MYO10: variants seen among roughly 807,000 people sequenced by gnomAD.
The protein encoded by MYO10 is unconventional myosin-X.
A neutral mutation model predicts 257.3 loss-of-function variants in MYO10; 133 were observed. The observed-to-expected ratio is 0.52, with a 90% CI of 0.45 to 0.60. The LOEUF (loss-of-function observed/expected upper bound fraction) is 0.60, where lower values mean the gene tolerates loss of function less well. Ranked by LOEUF, MYO10 falls within the 20% of genes least tolerant of loss-of-function variation. The pLI is 0.00. For missense variants in MYO10, 2,399 were observed against 2,635.7 expected (o/e 0.91, Z 1.97); for synonymous variants, 1,104 against 1,028.6 (o/e 1.07, Z -1.40).
chr5:16,919,834 C>T (rs555716007), intron 1 of MYO10, among the ~76,000 whole-genome samples: 2 of 151,976 alleles, frequency 1.3e-5, no homozygotes, highest in South Asian at 2.1e-4. Context: ...AAAATTAGGC[C>T]GGGTGTGGTG....
intron 19 of MYO10, among the ~76,000 whole-genome samples, chr5:16,725,787 C>CTTTTTT (rs35020175): frequency 7.2e-6 from 1 of 138,304 alleles, no homozygotes; most frequent in Admixed American, 7.2e-5. Context: ...CAGGTACCCC[C>CTTTTTT]TTTTTTTTTT....
chr5:16,796,968 G>C (rs10054596), intron 3 of MYO10, among the ~76,000 whole-genome samples: 1 of 135,388 alleles, frequency 7.4e-6, no homozygotes, highest in Admixed American at 7.9e-5. Context: ...ATACACCCAG[G>C]GGGGTTGGCG....
intron 19 of MYO10, chr5:16,738,121 G>A: frequency 2.0e-6 from 2 of 984,834 alleles, no homozygotes; most frequent in Non-Finnish European, 2.4e-6. Context: ...AAATACACAG[G>A]GGAGAGGTAC....
intron 19 of MYO10, among the ~76,000 whole-genome samples, chr5:16,714,265 A>T (rs1213136414): frequency 1.3e-5 from 2 of 152,100 alleles, no homozygotes; most frequent in Non-Finnish European, 2.9e-5. Context: ...TCGGACTCTT[A>T]AAATGCTGGA....
intron 2 of MYO10, among the ~76,000 whole-genome samples, chr5:16,857,110 A>C (rs950333781): frequency 3.3e-5 from 5 of 152,168 alleles, no homozygotes; most frequent in African/African-American, 1.2e-4. Flanking sequence ...CGAGGAGGAG[A>C]GCTTCCTTGG....
At chr5:16,677,508 C>T (rs1344862964) in intron 33 of MYO10, among the ~76,000 whole-genome samples, 4 of 147,586 alleles carry the variant, frequency 2.7e-5, no homozygotes, top group African/African-American at 1.0e-4. Context: ...CTCCGCCTCC[C>T]GGGTTCACAC....
rs1746439611 is a variant in MYO10, at chr5:16,936,215, C to G, written c.-407G>C. On this transcript the variant is annotated 5_prime_UTR_variant, in exon 1 of 41. Transcript: ENST00000513610. The stretch of plus-strand genomic sequence containing the variant: ...CAGCGGGCCGCAAAGTGAGCAGGAG[C>G]CGCGATCCCCGCGCGAGCGCTTGGA... 5.0e-6 allele frequency: 1 copy of G among 201,486 alleles called. No individual in the cohort carries two copies. Among genetic ancestry groups the G allele is most frequent in the South Asian group, 8.1e-5 (1 of 12,368 alleles). 12.5% of individuals were successfully genotyped at this position (201,486 alleles called of 1,614,324 possible). A position where few individuals can be genotyped will look rare whatever the true frequency, so the allele number is the denominator to read the frequency against.
intron 1 of MYO10, among the ~76,000 whole-genome samples, chr5:16,907,230 T>G (rs906245705): frequency 6.6e-6 from 1 of 152,236 alleles, no homozygotes; most frequent in Admixed American, 6.5e-5. Flanking sequence ...ACTTGCCTCT[T>G]TGTTAACTTT....
At chr5:16,768,658 T>C (rs973514277) in intron 10 of MYO10, among the ~76,000 whole-genome samples, 1 of 135,048 alleles carries the variant, frequency 7.4e-6, no homozygotes, top group African/African-American at 2.8e-5. Flanking sequence ...GAACATTTTC[T>C]CTTTTCTTTT....
chr5:16,913,490 A>T (rs1745730086), intron 1 of MYO10, among the ~76,000 whole-genome samples: 1 of 152,202 alleles, frequency 6.6e-6, no homozygotes, highest in Non-Finnish European at 1.5e-5. Context: ...GTATCGCAGA[A>T]TTTCCTTCTT....
At chr5:16,794,552 T>A in intron 4 of MYO10, 94 bp downstream of exon 4, 3 of 1,210,208 alleles carry the variant, frequency 2.5e-6, no homozygotes, top group Non-Finnish European at 3.3e-6. Flanking sequence ...TGTAAAAGCT[T>A]CCTCTGGTTA....
chr5:16,829,248 G>T (rs1232628270), intron 2 of MYO10, among the ~76,000 whole-genome samples: 2 of 152,200 alleles, frequency 1.3e-5, no homozygotes, highest in African/African-American at 4.8e-5. Flanking sequence ...CCTGGGTGCT[G>T]CCTGGCTTCT....
intron 2 of MYO10, among the ~76,000 whole-genome samples, chr5:16,849,070 G>A (rs1407840864): frequency 6.6e-6 from 1 of 152,018 alleles, no homozygotes; most frequent in Non-Finnish European, 1.5e-5. Flanking sequence ...ATCCTCGCCC[G>A]TCAGCCTCCC....
chr5:16,736,132 T>G (rs1482040352), intron 19 of MYO10, among the ~76,000 whole-genome samples: 1 of 152,220 alleles, frequency 6.6e-6, no homozygotes, highest in Non-Finnish European at 1.5e-5. Context: ...CTTTGAATAT[T>G]CCCAACCTGC....
chr5:16,679,524 G>GTTTTTTTTTTTTTTGTTTTTTT (rs1736885535), intron 33 of MYO10, among the ~76,000 whole-genome samples: 2 of 122,672 alleles, frequency 1.6e-5, no homozygotes, highest in African/African-American at 6.4e-5. Flanking sequence ...TTTTTTGGGT[G>GTTTTTTTTTTTTTTGTTTTTTT]TTTTTTTTTT....
intron 24 of MYO10, among the ~76,000 whole-genome samples, chr5:16,702,089 G>A (rs992172105): frequency 6.6e-6 from 1 of 152,160 alleles, no homozygotes; most frequent in African/African-American, 2.4e-5. Context: ...GTGTCCTTTT[G>A]GGAACAGGAG....
At chr5:16,697,525 C>A (rs1554035895) in intron 26 of MYO10, among the ~76,000 whole-genome samples, 1 of 152,016 alleles carries the variant, frequency 6.6e-6, no homozygotes, top group African/African-American at 2.4e-5. Context: ...CATGGTGAAA[C>A]CCTGTCTCTA....
Position 16,685,846 on chromosome 5 carries a change from G to C in MYO10, c.3897-15C>G, listed in dbSNP as rs1263065973. 1 of 1,578,144 alleles carries C rather than the reference G, an allele frequency of 6.3e-7. No individual in the cohort carries two copies. Among genetic ancestry groups the C allele is most frequent in the Non-Finnish European group, 8.6e-7 (1 of 1,161,830 alleles). On this transcript the variant is annotated splice_polypyrimidine_tract_variant and intron_variant, in intron 28 of 40. Transcript: ENST00000513610. ...TGAACCACTGGCTGTGGGGAAGAGA[G>C]AGCAACTGTCAAGGAGAGGCCAACC...
intron 19 of MYO10, among the ~76,000 whole-genome samples, chr5:16,712,969 ACTGTT>A (rs767986218): frequency 1.2e-4 from 19 of 152,342 alleles, no homozygotes; most frequent in Non-Finnish European, 2.5e-4. Flanking sequence ...GGGGTGGCTG[ACTGTT>A]CTGAAGGCAT....
Sources: gnomAD v4.1 joint callset for allele counts (sites outside exome capture counted in the v4.1 genomes callset) on GRCh38, gnomAD v4.1.1 for gene constraint, MANE v1.5 for transcripts, NCBI Gene and HGNC (gene_info 2026-07-23, HGNC 2026-07-21) for gene names.